RBFOX1: variants seen among roughly 807,000 people sequenced by gnomAD.
RBFOX1 encodes the protein RNA binding fox-1 homolog 1.
In RBFOX1, 8 loss-of-function variants were observed where a neutral mutation model predicts 57.7. The observed-to-expected ratio is 0.14, with a 90% CI of 0.08 to 0.25. The LOEUF is 0.25. RBFOX1 is among the 10% of genes least tolerant of loss of function. RBFOX1 has a pLI of 1.00. For synonymous variants in RBFOX1, 326 were observed against 222.4 expected (o/e 1.47, Z -4.15); for missense variants, 611 against 548.5 (o/e 1.11, Z -1.14).
At chr16:6,490,479 A>G (rs1298681581) in intron 2 of RBFOX1, among the ~76,000 whole-genome samples, 1 of 152,206 alleles carries the variant, frequency 6.6e-6, no homozygotes, top group Non-Finnish European at 1.5e-5. Flanking sequence ...ACAGGCGTCC[A>G]TTTCATACCA....
intron 1 of RBFOX1, among the ~76,000 whole-genome samples, chr16:6,167,314 A>G (rs1011287764): frequency 1.3e-5 from 2 of 152,122 alleles, no homozygotes; most frequent in Non-Finnish European, 2.9e-5. Context: ...GTATAGCTCA[A>G]GTTGTACTTT....
intron 10 of RBFOX1, chr16:7,614,638 T>C (rs1297581565): frequency 6.6e-6 from 1 of 152,208 alleles, no homozygotes; most frequent in Admixed American, 6.5e-5. Flanking sequence ...ACATCCAGGC[T>C]ATGGGAAGCG....
At chr16:5,944,790 T>TAAAAAAAACAAAAAAAAAAAAAAAAA (rs2059360860) in intron 4 of RBFOX1, among the ~76,000 whole-genome samples, 1 of 41,258 alleles carries the variant, frequency 2.4e-5, no homozygotes, top group African/African-American at 1.0e-4. Context: ...CTGTCTCTGC[T>TAAAAAAAACAAAAAAAAAAAAAAAAA]AAAAAAAAAA....
At chr16:7,149,579 A>C (rs1567462854) in intron 4 of RBFOX1, among the ~76,000 whole-genome samples, 1 of 144,890 alleles carries the variant, frequency 6.9e-6, no homozygotes, top group Non-Finnish European at 1.5e-5. Context: ...TCCTCCTCCC[A>C]GGCTCAAAAG....
intron 2 of RBFOX1, among the ~76,000 whole-genome samples, chr16:6,506,761 C>G (rs1461621700): frequency 2.7e-5 from 4 of 149,832 alleles, no homozygotes; most frequent in African/African-American, 9.9e-5. Flanking sequence ...ATTCTCAGGC[C>G]TTACCCTCCC....
chr16:5,398,832 T>A (rs1416357499), intron 1 of RBFOX1, among the ~76,000 whole-genome samples: 1 of 152,176 alleles, frequency 6.6e-6, no homozygotes, highest in Non-Finnish European at 1.5e-5. Flanking sequence ...GAATTGAATT[T>A]GAGTCTAGTT....
intron 4 of RBFOX1, among the ~76,000 whole-genome samples, chr16:7,153,625 C>A (rs981118093): frequency 6.6e-6 from 1 of 150,476 alleles, no homozygotes; most frequent in African/African-American, 2.4e-5. Flanking sequence ...AGGGGGGCGC[C>A]TATAATTCCA....
chr16:6,901,740 C>G (rs908033689), intron 3 of RBFOX1, among the ~76,000 whole-genome samples: 1 of 152,190 alleles, frequency 6.6e-6, no homozygotes, highest in African/African-American at 2.4e-5. Context: ...GAAGTAAATA[C>G]TGCTTCAGAC....
At position 5,290,980 on chromosome 16, in the gene RBFOX1, G is replaced by T. The variant is rs113542280; in HGVS notation, c.219+50875G>T. Reference sequence around the variant, plus strand: ...TTCGCAAAGTACTGGGATTACAGGCGTGAGCCACTGCGCTCAGCCAGATTT... The same window carrying T: ...TTCGCAAAGTACTGGGATTACAGGCTTGAGCCACTGCGCTCAGCCAGATTT... On this transcript the variant is annotated intron_variant, in intron 1 of 2. Transcript: ENST00000585867. Among the ~76,000 whole-genome samples, 417 of 152,242 alleles carry T rather than the reference G, an allele frequency of 2.7e-3. 3 individuals are homozygous for T. Among genetic ancestry groups the T allele is most frequent in the African/African-American group, 9.6e-3 (399 of 41,548 alleles).
intron 2 of RBFOX1, among the ~76,000 whole-genome samples, chr16:6,345,319 G>A (rs1382883294): frequency 1.3e-5 from 2 of 152,224 alleles, no homozygotes; most frequent in African/African-American, 2.4e-5. Flanking sequence ...CCTATAGGCA[G>A]TGTGCCCAGA....
Position 6,987,007 on chromosome 16 carries a change from C to A in RBFOX1, c.-15-65050C>A, listed in dbSNP as rs377406577. ...TGTTTGCCAGGGTTTGTTGGTTAGTCCATTCTGAGTGGAATGAAACTTGCA... is the reference window on the plus strand; with the variant it reads ...TGTTTGCCAGGGTTTGTTGGTTAGTACATTCTGAGTGGAATGAAACTTGCA... On this transcript the variant is annotated intron_variant, in intron 3 of 15. Transcript: ENST00000550418. Among the ~76,000 whole-genome samples, 11 of 152,218 alleles carry A rather than the reference C, an allele frequency of 7.2e-5. 1 individual carries two copies. The East Asian group carries it at 1.2e-3, about 16-fold the overall frequency.
intron 1 of RBFOX1, chr16:5,270,153 T>G (rs367800115): frequency 3.3e-6 from 1 of 304,666 alleles, no homozygotes; most frequent in Non-Finnish European, 6.2e-6. Context: ...AATTTAGCCT[T>G]TTGGTACTCT....
intron 2 of RBFOX1, among the ~76,000 whole-genome samples, chr16:6,613,804 G>A (rs1248901741): frequency 6.6e-6 from 1 of 152,200 alleles, no homozygotes; most frequent in African/African-American, 2.4e-5. Flanking sequence ...CGGGTGTGGT[G>A]GTGTGTGCCT....
intron 2 of RBFOX1, among the ~76,000 whole-genome samples, chr16:6,468,959 A>G (rs773965340): frequency 3.9e-4 from 59 of 151,986 alleles, no homozygotes; most frequent in Middle Eastern, 3.4e-3. Context: ...CCACCCTCAG[A>G]TAGGGCCCAT....
At chr16:7,417,426 A>G (rs1007405701) in intron 4 of RBFOX1, among the ~76,000 whole-genome samples, 1 of 150,368 alleles carries the variant, frequency 6.7e-6, no homozygotes. Context: ...CAGTTTCCCC[A>G]GTGGTAACAT....
intron 12 of RBFOX1, among the ~76,000 whole-genome samples, chr16:7,659,685 A>T (rs7187238): frequency 2.6e-5 from 4 of 152,224 alleles, no homozygotes; most frequent in African/African-American, 9.7e-5. Flanking sequence ...CACATGCAGC[A>T]TATGGGCTGC....
intron 4 of RBFOX1, among the ~76,000 whole-genome samples, chr16:7,071,357 T>A (rs2057295450): frequency 6.6e-6 from 1 of 152,104 alleles, no homozygotes. Flanking sequence ...GATTTGTTAG[T>A]CATGAAATTA....
chr16:7,613,324 T>G (rs554439917), intron 10 of RBFOX1, among the ~76,000 whole-genome samples: 1 of 152,202 alleles, frequency 6.6e-6, no homozygotes, highest in Non-Finnish European at 1.5e-5. Context: ...TGAAAGGTGG[T>G]CAGGTCTTGA....
intron 2 of RBFOX1, among the ~76,000 whole-genome samples, chr16:6,595,350 T>A (rs1413840343): frequency 6.6e-6 from 1 of 152,202 alleles, no homozygotes; most frequent in Non-Finnish European, 1.5e-5. Flanking sequence ...CTAAGCATAA[T>A]GTTTTCAAGG....
Sources: gnomAD v4.1 joint callset for allele counts (sites outside exome capture counted in the v4.1 genomes callset) on GRCh38, gnomAD v4.1.1 for gene constraint, MANE v1.5 for transcripts, NCBI Gene and HGNC (gene_info 2026-07-23, HGNC 2026-07-21) for gene names.